Variants in TP73 observed in about 807,000 individuals in gnomAD.
The protein encoded by TP73 is p53-like transcription factor.
TP73 carries 25 observed loss-of-function variants against 62.5 expected under a neutral mutation model. That is an observed-to-expected ratio of 0.40 (90% CI 0.29 to 0.56). The LOEUF (loss-of-function observed/expected upper bound fraction) is 0.56, where lower values mean the gene tolerates loss of function less well. TP73 is among the 20% of genes least tolerant of loss of function. The probability of loss-of-function intolerance (pLI) is 0.46; values close to 1 mark genes in which losing one functional copy is unlikely to be tolerated. For synonymous variants in TP73, 423 were observed against 377.5 expected, an observed-to-expected ratio of 1.12 and a Z score of -1.40; for missense variants, 754 against 913.3, an observed-to-expected ratio of 0.83 and a Z score of 2.25.
intron 4 of TP73, among the ~76,000 whole-genome samples, chr1:3,716,205 C>A (rs963395577): frequency 6.6e-6 from 1 of 152,204 alleles, no homozygotes; most frequent in Admixed American, 6.5e-5. Context: ...TCTGGTTCAT[C>A]CTCCATAGAG....
At chr1:3,683,372 G>C (rs1460127817) in intron 3 of TP73, among the ~76,000 whole-genome samples, 192 bp downstream of exon 3, 1 of 152,194 alleles carries the variant, frequency 6.6e-6, no homozygotes. Flanking sequence ...TCCAGAGATA[G>C]GAATGGATTC....
At chr1:3,722,347 T>C in intron 5 of TP73, 140 bp downstream of exon 5, 1 of 1,053,444 alleles carries the variant, frequency 9.5e-7, no homozygotes, top group Non-Finnish European at 1.4e-6. Flanking sequence ...TTTCAGTGCC[T>C]CCACCAGCCC....
chr1:3,684,514 T>G (rs1315638898), intron 3 of TP73, among the ~76,000 whole-genome samples: 1 of 152,146 alleles, frequency 6.6e-6, no homozygotes, highest in Admixed American at 6.5e-5. Context: ...CCAGCCACCC[T>G]GAGCACTGGA....
intron 4 of TP73, 51 bp from the exon 5 acceptor site, chr1:3,721,970 G>A (rs764461884): frequency 6.5e-7 from 1 of 1,535,484 alleles, no homozygotes; most frequent in East Asian, 2.3e-5. Flanking sequence ...GGCCTGGACA[G>A]GGGTGCAGTT....
At position 3,732,999 on chromosome 1, in the gene TP73, G is replaced by A; in HGVS notation, c.1831G>A (p.Asp611Asn). The A allele has an allele frequency of 1.3e-6, 2 of 1,578,414 alleles. No individual in the cohort carries two copies. Among genetic ancestry groups the A allele is most frequent in the Non-Finnish European group, 1.7e-6 (2 of 1,166,316 alleles). ...GPGGGPDEWA[D>N]FGFDLPDCKA... ...AGGCGGCGGCCCTGACGAGTGGGCG[G>A]ACTTCGGCTTCGACCTGCCCGACTG... The change falls in exon 14 of 14, where the codon GAC becomes AAC. Residue 611 changes from aspartate to asparagine, a missense_variant. By Grantham distance (23) the Asp-to-Asn change is conservative. Transcript: ENST00000378295.
chr1:3,679,893 G>A (rs552454728), intron 1 of TP73, among the ~76,000 whole-genome samples: 49 of 143,752 alleles, frequency 3.4e-4, no homozygotes, highest in African/African-American at 8.1e-4. Context: ...GTCTCTCTCC[G>A]TCTCTCTGTC....
At chr1:3,729,738 C>T in intron 10 of TP73, 1 of 745,224 alleles carries the variant, frequency 1.3e-6, no homozygotes, top group Non-Finnish European at 2.3e-6. Flanking sequence ...TGACCATGAC[C>T]CACCAAGACC....
intron 3 of TP73, among the ~76,000 whole-genome samples, chr1:3,692,640 C>T (rs372193218): frequency 3.9e-5 from 6 of 152,124 alleles, no homozygotes; most frequent in South Asian, 2.1e-4. Flanking sequence ...GCTGCTGGAC[C>T]GCCTGGAACC....
At chr1:3,693,403 C>A (rs1638245430) in intron 3 of TP73, among the ~76,000 whole-genome samples, 2 of 152,152 alleles carry the variant, frequency 1.3e-5, no homozygotes, top group Admixed American at 6.5e-5. Context: ...TGGGAAGAGG[C>A]CCCTGGGTTG....
At chr1:3,685,544 C>T (rs1050141236) in intron 3 of TP73, among the ~76,000 whole-genome samples, 1 of 152,228 alleles carries the variant, frequency 6.6e-6, no homozygotes, top group African/African-American at 2.4e-5. Flanking sequence ...GGCCCAGCCC[C>T]CTCACAACAG....
rs561235028 is a variant in TP73 at position 3,659,837 on chromosome 1, T to C, written c.-34+7196T>C. ...TACAGGCATGCACCACCACTAATTT[T>C]TGTATTATTATTACTTTTTTTTAGT... On this transcript the variant is annotated intron_variant, in intron 1 of 13. Transcript: ENST00000378295. Among the ~76,000 whole-genome samples, 16 of 136,102 alleles carry C rather than the reference T, an allele frequency of 1.2e-4. No homozygotes were observed. The South Asian group carries it at 3.2e-3, about 27-fold the overall frequency. The allele number at this position is 136,102 out of a possible 152,430, so 89.3% of individuals were successfully genotyped here. A position where few individuals can be genotyped will look rare whatever the true frequency, so the allele number is the denominator to read the frequency against.
chr1:3,669,965 G>C lies in TP73; in HGVS notation c.-33-12368G>C, dbSNP rs915079704. 5.3e-5 allele frequency among the ~76,000 whole-genome samples: 8 copies of C among 152,198 alleles called. No individual in the cohort carries two copies. The South Asian group carries it at 1.2e-3, about 24-fold the overall frequency. On this transcript the variant is annotated intron_variant, in intron 1 of 13. Coordinates refer to ENST00000378295, the MANE Select transcript of TP73 (RefSeq NM_005427.4). ...GTGTGTTGCTAGAGGTGAGAGGGTG[G>C]GTAGGGAAACTGAGTGACCAGCTCC...
intron 1 of TP73, 76 bp from the exon 2 acceptor site, chr1:3,682,257 C>T: frequency 3.4e-6 from 4 of 1,172,068 alleles, no homozygotes; most frequent in East Asian, 3.1e-5. Context: ...TTGCCTGCCG[C>T]CCCCACCGAG....
intron 1 of TP73, among the ~76,000 whole-genome samples, chr1:3,655,180 A>C (rs1196537461): frequency 6.6e-6 from 1 of 152,218 alleles, no homozygotes; most frequent in Non-Finnish European, 1.5e-5. Flanking sequence ...TGAGATCAGG[A>C]GTTCAAGACC....
rs1419358276 is a variant in TP73, at chr1:3,670,074, C to G, written c.-33-12259C>G. Among the ~76,000 whole-genome samples, 1 of 151,840 alleles carries G rather than the reference C, an allele frequency of 6.6e-6. No homozygotes were observed. Among genetic ancestry groups the G allele is most frequent in the Non-Finnish European group, 1.5e-5 (1 of 67,952 alleles). On this transcript the variant is annotated intron_variant, in intron 1 of 13. Transcript: ENST00000378295. This position sits in a 1 kb window ranked among gnomAD's most constrained non-coding sequence, Gnocchi z 5.9. ...GCTCTTTGCAAAGTCTCCAGCCTGG[C>G]CTCCTGGATGGGCATGTGGCTCGGG...
chr1:3,686,726 C>T (rs1372386488), intron 3 of TP73, among the ~76,000 whole-genome samples: 1 of 152,170 alleles, frequency 6.6e-6, no homozygotes, highest in East Asian at 1.9e-4. Flanking sequence ...TGAGGTGGCC[C>T]AGAAAGTCCA....
At chr1:3,721,893 G>A in intron 4 of TP73, 128 bp from the exon 5 acceptor site, 2 of 965,834 alleles carry the variant, frequency 2.1e-6, no homozygotes, top group Non-Finnish European at 3.0e-6. Context: ...GGGCTGCTTG[G>A]GGCAGTCTTC....
chr1:3,692,357 G>A (rs556722099), intron 3 of TP73, among the ~76,000 whole-genome samples: 3 of 152,296 alleles, frequency 2.0e-5, no homozygotes, highest in East Asian at 3.9e-4. Context: ...CCATGCACTC[G>A]AGTCTGGCGG....
At chr1:3,690,896 G>C in intron 3 of TP73, 1 of 1,573,480 alleles carries the variant, frequency 6.4e-7, no homozygotes, top group Non-Finnish European at 8.6e-7. Context: ...CAGACCCCCC[G>C]GCGCCTACCA....
Sources: allele counts gnomAD v4.1 joint callset (sites outside exome capture counted in the v4.1 genomes callset), GRCh38; gene constraint gnomAD v4.1.1; non-coding constraint Gnocchi (gnomAD v3.1); transcripts MANE v1.5; gene names NCBI Gene and HGNC (gene_info 2026-07-23, HGNC 2026-07-21).